The following NEB variants were observed in gnomAD, a reference collection of about 807,000 sequenced individuals.
NEB encodes the protein nemaline myopathy type 2.
A neutral mutation model predicts 952.2 loss-of-function variants in NEB; 512 were observed. The ratio of observed to expected loss-of-function variants is 0.54; its 90% confidence interval spans 0.50 to 0.58. The LOEUF (loss-of-function observed/expected upper bound fraction) is 0.58, where lower values mean the gene tolerates loss of function less well. Ranked by LOEUF, NEB falls within the 20% of genes least tolerant of loss-of-function variation. The probability of loss-of-function intolerance (pLI) is 0.00; values close to 1 mark genes in which losing one functional copy is unlikely to be tolerated. For missense variants in NEB, 8,428 were observed against 9,231.1 expected (o/e 0.91, Z 3.56); for synonymous variants, 2,900 against 3,149.8 (o/e 0.92, Z 2.66).
At chr2:151,618,014 C>T (rs1245883889) in intron 74 of NEB, among the ~76,000 whole-genome samples, 1 of 152,022 alleles carries the variant, frequency 6.6e-6, no homozygotes, top group Non-Finnish European at 1.5e-5. Context: ...GAGCCAAGAT[C>T]GTGCCATTGC....
At chr2:151,698,474 T>C (rs1170590059) in intron 13 of NEB, among the ~76,000 whole-genome samples, 1 of 152,152 alleles carries the variant, frequency 6.6e-6, no homozygotes, top group African/African-American at 2.4e-5. Context: ...TGGAATGAGA[T>C]GGTATTATTT....
rs1262662644 is a variant in NEB at position 151,563,829 on chromosome 2, G to C, written c.18573C>G (p.Asn6191Lys). 1 of 1,613,378 alleles carries C rather than the reference G, an allele frequency of 6.2e-7. No individual in the cohort carries two copies. Among genetic ancestry groups the C allele is most frequent in the South Asian group, 1.1e-5 (1 of 91,076 alleles). Residue 6191 changes from asparagine to lysine, a missense_variant, in exon 118 of 182, where the codon AAC becomes AAG. Asn to Lys is a moderately conservative substitution (Grantham distance 94). Around this residue, in one of 11 missense-constraint regions of NEB, gnomAD observed 3,374 missense variants for 3,651.5 expected, o/e 0.92. Coordinates refer to ENST00000397345, the MANE Select transcript of NEB (RefSeq NM_001164508.2). ...AGGAAAAGGTCATACTGACCTCACTGTTCACCAGATCAGCATGCTTGGCTC... is the reference window on the plus strand; with the variant it reads ...AGGAAAAGGTCATACTGACCTCACTCTTCACCAGATCAGCATGCTTGGCTC... ...IVGAKHADLV[N>K]SELKYKETYE...
intron 65 of NEB, 68 bp downstream of exon 65, chr2:151,633,586 T>C: frequency 2.6e-6 from 4 of 1,530,224 alleles, no homozygotes; most frequent in South Asian, 2.6e-5. Context: ...GGATTGTATA[T>C]AAAGGATAAT....
intron 11 of NEB, among the ~76,000 whole-genome samples, 199 bp from the exon 12 acceptor site, chr2:151,709,962 G>A (rs925999675): frequency 1.3e-5 from 2 of 152,136 alleles, no homozygotes; most frequent in East Asian, 1.9e-4. Context: ...AATTAAAATA[G>A]GCTAAAAACA....
rs1464280944 is a variant in NEB at position 151,546,431 on chromosome 2, C to G, written c.20380G>C (p.Glu6794Gln). Residue 6794 changes from glutamate to glutamine, a missense_variant, in exon 134 of 182, where the codon GAG becomes CAG. This residue lies in a region of NEB where 3,374 missense variants were observed against 3,651.5 expected (regional missense o/e 0.92). Coordinates refer to ENST00000397345, the MANE Select transcript of NEB (RefSeq NM_001164508.2). ...AATCCCTTCAGGACCTGCAAGTCCT[C>G]TTTGTATTTAATCTGAGAGGCAAAC... ...GDITSDIKYKEDLQVLKGFGC... is the reference protein window; with the variant it reads ...GDITSDIKYKQDLQVLKGFGC... 2 of 1,611,668 alleles carry G rather than the reference C, an allele frequency of 1.2e-6. No individual in the cohort carries two copies. Among genetic ancestry groups the G allele is most frequent in the Middle Eastern group, 1.6e-4 (1 of 6,074 alleles).
chr2:151,660,369 T>A (rs1389636934), intron 46 of NEB, among the ~76,000 whole-genome samples: 1 of 151,906 alleles, frequency 6.6e-6, no homozygotes, highest in Non-Finnish European at 1.5e-5. Flanking sequence ...TGTATGTATG[T>A]ATGTATGTAT....
At chr2:151,496,886 C>T in intron 172 of NEB, 55 bp downstream of exon 172, 2 of 1,463,458 alleles carry the variant, frequency 1.4e-6, no homozygotes, top group Non-Finnish European at 9.3e-7. Flanking sequence ...TATTTTAAAT[C>T]ATGAAATAGT....
chr2:151,540,836 T>A, intron 136 of NEB, 35 bp from the exon 137 acceptor site: 1 of 1,521,540 alleles, frequency 6.6e-7, no homozygotes, highest in Non-Finnish European at 9.1e-7. Flanking sequence ...GTCATAGAGA[T>A]AAAGCATTTA....
rs575688720 is a variant in NEB at position 151,581,449 on chromosome 2, C to T, written c.16284+34G>A. 57 of 601,214 alleles carry T rather than the reference C, an allele frequency of 9.5e-5. No individual in the cohort carries two copies. In the African/African-American group the frequency reaches 1.1e-3, roughly 12 times the overall value. 37.2% of individuals were successfully genotyped at this position (601,214 alleles called of 1,614,324 possible). A position where few individuals can be genotyped will look rare whatever the true frequency, so the allele number is the denominator to read the frequency against. The stretch of plus-strand genomic sequence containing the variant: ...ATAAAAGGTTTGGTTAGGCAGAGAG[C>T]ACTGTGAAAAGCAAATGATGTGTGC... On this transcript the variant is annotated intron_variant, in intron 103 of 181. Coordinates refer to ENST00000397345, the MANE Select transcript of NEB (RefSeq NM_001164508.2).
chr2:151,611,010 A>T lies in NEB; in HGVS notation c.11806-144T>A, dbSNP rs982172459. 8 of 553,688 alleles carry T rather than the reference A, an allele frequency of 1.4e-5. No individual in the cohort carries two copies. The African/African-American group carries it at 1.5e-4, about 10-fold the overall frequency. 34.3% of individuals were successfully genotyped at this position (553,688 alleles called of 1,614,324 possible). A position where few individuals can be genotyped will look rare whatever the true frequency, so the allele number is the denominator to read the frequency against. ...CTCCTTCTAATGCTTTTGGGAGGTGAGGGAAGCAAAAGAGTCATGGGGAAA... is the reference window on the plus strand; with the variant it reads ...CTCCTTCTAATGCTTTTGGGAGGTGTGGGAAGCAAAAGAGTCATGGGGAAA... On this transcript the variant is annotated intron_variant, in intron 78 of 181. Coordinates refer to ENST00000397345, the MANE Select transcript of NEB (RefSeq NM_001164508.2).
chr2:151,714,632 A>C (rs1192927482), intron 10 of NEB, among the ~76,000 whole-genome samples: 1 of 151,896 alleles, frequency 6.6e-6, no homozygotes, highest in African/African-American at 2.4e-5. Flanking sequence ...GCCAAGGAGG[A>C]CCCCTTGGCC....
intron 3 of NEB, among the ~76,000 whole-genome samples, chr2:151,730,610 C>T (rs372267179): frequency 1.9e-3 from 124 of 63,900 alleles, no homozygotes; most frequent in Middle Eastern, 0.012. Context: ...TGGCTCATTT[C>T]TTAGTGAAAA....
At chr2:151,571,322 T>C (rs925498043) in intron 107 of NEB, among the ~76,000 whole-genome samples, 3 of 152,202 alleles carry the variant, frequency 2.0e-5, no homozygotes, top group Non-Finnish European at 4.4e-5. Context: ...AATTTTAAAT[T>C]TGAATGATAG....
At position 151,669,143 on chromosome 2, in the gene NEB, G is replaced by C. The variant is rs964131105; in HGVS notation, c.4507-12C>G. ...ACCTTGTAGTTCAACTAAAAACAAA[G>C]GAGACAGCATGCACATATCATTAGC... On this transcript the variant is annotated splice_polypyrimidine_tract_variant and intron_variant, in intron 38 of 181. Coordinates refer to ENST00000397345, the MANE Select transcript of NEB (RefSeq NM_001164508.2). 6.6e-7 allele frequency: 1 copy of C among 1,509,678 alleles called. No individual in the cohort carries two copies. The highest frequency in any genetic ancestry group is 9.1e-7 in the Non-Finnish European group (1 of 1,102,564). The allele number at this position is 1,509,678 out of a possible 1,614,324, so 93.5% of individuals were successfully genotyped here.
intron 77 of NEB, 125 bp from the exon 78 acceptor site, chr2:151,612,514 C>T (rs546393433): frequency 3.1e-6 from 3 of 957,460 alleles, no homozygotes; most frequent in Non-Finnish European, 4.7e-6. Context: ...CTGGGAAGAC[C>T]CACAGGATTG....
intron 46 of NEB, among the ~76,000 whole-genome samples, chr2:151,660,875 C>T (rs1575447001): frequency 6.6e-6 from 1 of 152,128 alleles, no homozygotes; most frequent in Non-Finnish European, 1.5e-5. Context: ...ATGGTAGAAC[C>T]TAGCCACATA....
At chr2:151,498,161 C>T in intron 170 of NEB, 99 bp downstream of exon 170, 1 of 1,538,674 alleles carries the variant, frequency 6.5e-7, no homozygotes, top group African/African-American at 1.4e-5. Flanking sequence ...GTATTAGAAG[C>T]AAAGAAGGGA....
chr2:151,561,336 C>A, intron 121 of NEB, 24 bp from the exon 122 acceptor site: 2 of 1,514,782 alleles, frequency 1.3e-6, no homozygotes, highest in South Asian at 1.2e-5. Context: ...CAAAAGTCAT[C>A]AAAAATGGTA....
intron 57 of NEB, 79 bp downstream of exon 57, chr2:151,643,739 A>C: frequency 3.9e-6 from 6 of 1,557,640 alleles, no homozygotes; most frequent in Non-Finnish European, 5.2e-6. Context: ...TGTAAACTCA[A>C]CTCTGCTCAC....
Sources: allele counts gnomAD v4.1 joint callset (sites outside exome capture counted in the v4.1 genomes callset), GRCh38; gene constraint gnomAD v4.1.1; regional missense constraint gnomAD v4.1.1; transcripts MANE v1.5; gene names NCBI Gene and HGNC (gene_info 2026-07-23, HGNC 2026-07-21).